MYOM3: variants seen among roughly 807,000 people sequenced by gnomAD.
The protein encoded by MYOM3 is myomesin-3.
MYOM3 carries 155 observed loss-of-function variants against 191.7 expected under a neutral mutation model. That is an observed-to-expected ratio of 0.81 (90% CI 0.71 to 0.92). The LOEUF (loss-of-function observed/expected upper bound fraction) is 0.92. Ranked by LOEUF, MYOM3 falls within the 40% of genes least tolerant of loss-of-function variation. MYOM3 has a pLI of 0.00. For missense variants in MYOM3, 1,889 were observed against 1,890.6 expected, an observed-to-expected ratio of 1.00 and a Z score of 0.02; for synonymous variants, 757 against 762.9, an observed-to-expected ratio of 0.99 and a Z score of 0.13.
At chr1:24,095,991 G>A (rs1042702479) in intron 7 of MYOM3, among the ~76,000 whole-genome samples, 1 of 152,128 alleles carries the variant, frequency 6.6e-6, no homozygotes, top group Non-Finnish European at 1.5e-5. Flanking sequence ...CATGCTCTGA[G>A]GATTGAACGA....
chr1:24,092,308 C>A lies in MYOM3; in HGVS notation c.1098G>T (p.Glu366Asp). Residue 366 changes from glutamate to aspartate, a missense_variant, in exon 11 of 37, where the codon GAG (glutamate) becomes GAT (aspartate). By Grantham distance (45) the Glu-to-Asp change is conservative. Coordinates refer to ENST00000374434, the MANE Select transcript of MYOM3 (RefSeq NM_152372.4). Reference sequence around the variant, plus strand: ...AGCCTGGGGCCCCGGGGTTCTCGGCCTCGGCATCTGAAACCCGGGGGTGAG... The same window carrying A: ...AGCCTGGGGCCCCGGGGTTCTCGGCATCGGCATCTGAAACCCGGGGGTGAG... ...QSTYVLVRDA[E>D]AENPGAPGSP... The A allele has an allele frequency of 7.4e-7, 1 of 1,353,462 alleles. No homozygotes were observed. The highest frequency in any genetic ancestry group is 9.6e-7 in the Non-Finnish European group (1 of 1,043,138). 83.8% of individuals were successfully genotyped at this position (1,353,462 alleles called of 1,614,324 possible). A position where few individuals can be genotyped will look rare whatever the true frequency, so the allele number is the denominator to read the frequency against.
intron 6 of MYOM3, among the ~76,000 whole-genome samples, chr1:24,098,600 C>T (rs887569646): frequency 6.6e-6 from 1 of 152,204 alleles, no homozygotes; most frequent in African/African-American, 2.4e-5. Context: ...ACCTCTGGCC[C>T]CATTAGCAAG....
intron 7 of MYOM3, among the ~76,000 whole-genome samples, chr1:24,097,388 G>C (rs1320074627): frequency 6.6e-6 from 1 of 152,212 alleles, no homozygotes; most frequent in Non-Finnish European, 1.5e-5. Context: ...AGAGCAACTT[G>C]GGGGCTAAAA....
chr1:24,080,792 G>A (rs1209423907), intron 19 of MYOM3, among the ~76,000 whole-genome samples: 6 of 152,186 alleles, frequency 3.9e-5, no homozygotes, highest in Non-Finnish European at 7.3e-5. Flanking sequence ...TGAGGTAGAG[G>A]TTTTGTGTAG....
At position 24,111,008 on chromosome 1, in the gene MYOM3, C is replaced by A. The variant is rs753671791; in HGVS notation, c.-19+1023G>T. On this transcript the variant is annotated intron_variant, in intron 1 of 36. Transcript: ENST00000374434. This position sits in a 1 kb window ranked among gnomAD's most constrained non-coding sequence, Gnocchi z 4.7. ...ATTAGCACAGCAGGCAGGGGCCTGG[C>A]GCTCGTCCCTGACCTCGGGGCCTCC... Among the ~76,000 whole-genome samples the A allele has an allele frequency of 1.3e-5, 2 of 152,354 alleles. No homozygotes were observed. The highest frequency in any genetic ancestry group is 4.8e-5 in the African/African-American group (2 of 41,582).
chr1:24,102,001 C>G (rs1023155563), intron 5 of MYOM3, among the ~76,000 whole-genome samples: 1 of 152,182 alleles, frequency 6.6e-6, no homozygotes, highest in East Asian at 1.9e-4. Flanking sequence ...CAACTCCATA[C>G]CCCTCTCTGG....
In MYOM3 at chr1:24,094,925, C is replaced by T. The variant is rs764559995; in HGVS notation, c.856G>A (p.Glu286Lys). 1.2e-6 allele frequency: 2 copies of T among 1,614,132 alleles called. No individual in the cohort carries two copies. Among genetic ancestry groups the T allele is most frequent in the Middle Eastern group, 1.7e-4 (1 of 6,060 alleles). ...VLKPVFAREK[E>K]PFSLSCLFSE... ...AACAAGCATGACAGGGAGAAGGGTTCCTTCTCACGAGCAAAGACTGGCTTC... is the reference window on the plus strand; with the variant it reads ...AACAAGCATGACAGGGAGAAGGGTTTCTTCTCACGAGCAAAGACTGGCTTC... Residue 286 changes from glutamate to lysine, a missense_variant, in exon 9 of 37, where the codon GAA (glutamate) becomes AAA (lysine). Transcript: ENST00000374434.
At chr1:24,100,253 T>C (rs1643902204) in intron 5 of MYOM3, among the ~76,000 whole-genome samples, 1 of 152,182 alleles carries the variant, frequency 6.6e-6, no homozygotes, top group Admixed American at 6.5e-5. Context: ...TCCTGACTCG[T>C]GAAATGGCGG....
chr1:24,105,387 C>T (rs1380303464), intron 5 of MYOM3, among the ~76,000 whole-genome samples: 2 of 152,226 alleles, frequency 1.3e-5, no homozygotes, highest in South Asian at 4.1e-4. Flanking sequence ...GCTCCTTCTC[C>T]GTAGGCCCTT....
intron 2 of MYOM3, 77 bp from the exon 3 acceptor site, chr1:24,108,150 C>A: frequency 7.3e-7 from 1 of 1,377,408 alleles, no homozygotes. Flanking sequence ...CTGCATCTGC[C>A]CACCTCAGCC....
In MYOM3 at chr1:24,067,011, C is replaced by A; in HGVS notation, c.3423+10G>T. ...CACTGGGCCTGGGGGCAGGGCAGGGCAGGACTTGCCTTGCACGTCAGCTGC... is the reference window on the plus strand; with the variant it reads ...CACTGGGCCTGGGGGCAGGGCAGGGAAGGACTTGCCTTGCACGTCAGCTGC... On this transcript the variant is annotated intron_variant, in intron 28 of 36. Transcript: ENST00000374434. 7 of 1,563,540 alleles carry A rather than the reference C, an allele frequency of 4.5e-6. No individual in the cohort carries two copies. Among genetic ancestry groups the A allele is most frequent in the Non-Finnish European group, 6.1e-6 (7 of 1,152,590 alleles).
chr1:24,084,741 C>T, intron 15 of MYOM3, 102 bp from the exon 16 acceptor site: 2 of 1,090,658 alleles, frequency 1.8e-6, no homozygotes, highest in South Asian at 1.5e-5. Flanking sequence ...GGAGCTCCCA[C>T]AGCAATCAAG....
chr1:24,081,629 C>T lies in MYOM3; in HGVS notation c.2281-173G>A, dbSNP rs555331430. ...CCAGGCTGGAGTGCAGTGGCATGAA[C>T]ATGGCTCACTGCAGCCTCAACCTTC... On this transcript the variant is annotated intron_variant, in intron 18 of 36. Transcript: ENST00000374434. 7 of 730,954 alleles carry T rather than the reference C, an allele frequency of 9.6e-6. No individual in the cohort carries two copies. In the South Asian group the frequency reaches 1.3e-4, roughly 14 times the overall value. 45.3% of individuals were successfully genotyped at this position (730,954 alleles called of 1,614,324 possible).
intron 20 of MYOM3, among the ~76,000 whole-genome samples, chr1:24,077,028 G>T (rs1179925894): frequency 6.6e-6 from 1 of 150,600 alleles, no homozygotes; most frequent in Non-Finnish European, 1.5e-5. Flanking sequence ...CACCATGTTG[G>T]CCAGGCTAAT....
chr1:24,111,516 T>G lies in MYOM3; in HGVS notation c.-19+515A>C, dbSNP rs957550508. Among the ~76,000 whole-genome samples the G allele has an allele frequency of 6.6e-6, 1 of 152,172 alleles. No homozygotes were observed. Among genetic ancestry groups the G allele is most frequent in the African/African-American group, 2.4e-5 (1 of 41,446 alleles). Reference sequence around the variant, plus strand: ...CTTGCCAGTCATGAGCTGAGGCAACTCCTTTCCCGTCTGGGCCTCGGTTTC... The same window carrying G: ...CTTGCCAGTCATGAGCTGAGGCAACGCCTTTCCCGTCTGGGCCTCGGTTTC... On this transcript the variant is annotated intron_variant, in intron 1 of 36. Transcript: ENST00000374434. This position sits in a 1 kb window ranked among gnomAD's most constrained non-coding sequence, Gnocchi z 4.7.
At position 24,057,121 on chromosome 1, in the gene MYOM3, C is replaced by T. The variant is rs556394618; in HGVS notation, c.*243G>A. On this transcript the variant is annotated 3_prime_UTR_variant, in exon 37 of 37. Coordinates refer to ENST00000374434, the MANE Select transcript of MYOM3 (RefSeq NM_152372.4). ...TACTGTTAGATAGCCCCAGTGCATC[C>T]GGGTCTCCTACTCCAGGTCCAGGGT... The T allele has an allele frequency of 6.0e-5, 33 of 550,040 alleles. No homozygotes were observed. Among genetic ancestry groups the T allele is most frequent in the Non-Finnish European group, 9.4e-5 (29 of 308,354 alleles). The allele number at this position is 550,040 out of a possible 1,614,324, so 34.1% of individuals were successfully genotyped here. A position where few individuals can be genotyped will look rare whatever the true frequency, so the allele number is the denominator to read the frequency against.
In MYOM3 at chr1:24,097,873, G is replaced by A; in HGVS notation, c.745+50C>T. 3.3e-6 allele frequency: 4 copies of A among 1,210,052 alleles called. No individual in the cohort carries two copies. In the South Asian group the frequency reaches 3.6e-5, roughly 11 times the overall value. 75.0% of individuals were successfully genotyped at this position (1,210,052 alleles called of 1,614,324 possible). A position where few individuals can be genotyped will look rare whatever the true frequency, so the allele number is the denominator to read the frequency against. On this transcript the variant is annotated intron_variant, in intron 7 of 36. Coordinates refer to ENST00000374434, the MANE Select transcript of MYOM3 (RefSeq NM_152372.4). ...GCAGACCCATGTCCTTGTCTGCCCA[G>A]CTTGGGTTTGCTGTGGCCCGGAGTG... is the stretch of plus-strand genomic sequence containing the variant.
intron 16 of MYOM3, chr1:24,083,449 G>A (rs1406261206): frequency 1.3e-5 from 2 of 152,776 alleles, no homozygotes; most frequent in Non-Finnish European, 2.9e-5. Flanking sequence ...CCCTACTTTT[G>A]AGGTTTTGGG....
At chr1:24,074,741 A>G (rs780202725) in intron 22 of MYOM3, among the ~76,000 whole-genome samples, 4 of 152,180 alleles carry the variant, frequency 2.6e-5, no homozygotes, top group Non-Finnish European at 5.9e-5. Context: ...CCTTGAAGGT[A>G]CTTAGTTAGA....
Sources: gnomAD v4.1 joint callset for allele counts (sites outside exome capture counted in the v4.1 genomes callset) on GRCh38, gnomAD v4.1.1 for gene constraint, Gnocchi (gnomAD v3.1) non-coding constraint, MANE v1.5 for transcripts, NCBI Gene and HGNC (gene_info 2026-07-23, HGNC 2026-07-21) for gene names.